The following ROBO1 variants were observed in gnomAD, a reference collection of about 807,000 sequenced individuals.
The protein encoded by ROBO1 is roundabout guidance receptor 1.
Under a neutral mutation model 195.9 loss-of-function variants are expected in ROBO1, and 149 were observed. The ratio of observed to expected loss-of-function variants is 0.76; its 90% CI spans 0.67 to 0.87. The LOEUF is 0.87. Among genes scored for constraint, ROBO1 ranks in the 40% least tolerant of loss-of-function variants. The pLI is 0.00. For missense variants in ROBO1, 1,933 were observed against 2,068.3 expected, an observed-to-expected ratio of 0.93 and a Z score of 1.27; for synonymous variants, 816 against 733.2, an observed-to-expected ratio of 1.11 and a Z score of -1.82.
intron 4 of ROBO1, among the ~76,000 whole-genome samples, chr3:78,789,555 C>T (rs1024093034): frequency 6.6e-6 from 1 of 152,082 alleles, no homozygotes; most frequent in African/African-American, 2.4e-5. Flanking sequence ...ATTTTATGGT[C>T]TCAGAAATCC....
intron 3 of ROBO1, among the ~76,000 whole-genome samples, chr3:79,039,943 ATACT>A (rs2078454273): frequency 1.3e-5 from 2 of 152,152 alleles, no homozygotes; most frequent in Admixed American, 1.3e-4. Flanking sequence ...ATGGAATGAG[ATACT>A]TAATACATAT....
intron 1 of ROBO1, among the ~76,000 whole-genome samples, chr3:79,736,998 T>C (rs1049676346): frequency 5.3e-5 from 8 of 152,354 alleles, no homozygotes; most frequent in South Asian, 2.1e-4. Flanking sequence ...GTTTTTGTAC[T>C]GGATGTATTG....
chr3:78,621,635 A>G (rs1275796433), intron 26 of ROBO1, among the ~76,000 whole-genome samples: 1 of 152,224 alleles, frequency 6.6e-6, no homozygotes, highest in East Asian at 1.9e-4. Context: ...ACAAAAAGCC[A>G]TTTCAAGATG....
chr3:79,326,503 G>C (rs62259735), intron 2 of ROBO1, among the ~76,000 whole-genome samples: 1 of 152,088 alleles, frequency 6.6e-6, no homozygotes, highest in African/African-American at 2.4e-5. Context: ...TATCAGGGCA[G>C]GTTCCCCAAT....
At chr3:79,102,324 T>C (rs935601194) in intron 3 of ROBO1, among the ~76,000 whole-genome samples, 4 of 151,776 alleles carry the variant, frequency 2.6e-5, no homozygotes, top group Admixed American at 1.3e-4. Context: ...GATACAAGGC[T>C]ATGGTCCTTA....
intron 2 of ROBO1, among the ~76,000 whole-genome samples, chr3:79,478,545 T>C (rs950087078): frequency 2.6e-5 from 4 of 152,194 alleles, no homozygotes; most frequent in Non-Finnish European, 4.4e-5. Flanking sequence ...TCCAATCCCA[T>C]ATGCTGTTCA....
At chr3:79,188,009 A>G (rs1034040918) in intron 2 of ROBO1, among the ~76,000 whole-genome samples, 1 of 151,894 alleles carries the variant, frequency 6.6e-6, no homozygotes, top group Non-Finnish European at 1.5e-5. Context: ...TGAGTGTGCT[A>G]TTTCTCTGAT....
rs555847913 is a variant in ROBO1 at position 79,129,321 on chromosome 3, G to A, written c.89-3782C>T. Among the ~76,000 whole-genome samples, 14 of 152,040 alleles carry A rather than the reference G, an allele frequency of 9.2e-5. No individual in the cohort carries two copies. The East Asian group carries it at 2.7e-3, about 29-fold the overall frequency. The stretch of plus-strand genomic sequence containing the variant: ...ATGGTTTATAAATATTTTGCGATAT[G>A]GCTTTATATATTTTTGTGTAGGGGT... On this transcript the variant is annotated intron_variant, in intron 2 of 30. Coordinates refer to ENST00000464233, the MANE Select transcript of ROBO1 (RefSeq NM_002941.4).
intron 2 of ROBO1, among the ~76,000 whole-genome samples, chr3:79,344,441 C>T (rs193019272): frequency 5.4e-4 from 82 of 152,198 alleles, no homozygotes; most frequent in Admixed American, 2.2e-3. Context: ...ATGCCAAGAC[C>T]TAGAAACTAC....
rs180847711 is a variant in ROBO1, at chr3:79,038,516, A to C, written c.172+86940T>G. On this transcript the variant is annotated intron_variant, in intron 3 of 30. Transcript: ENST00000464233. ...ACCCTTGATTTACAGAAATAAACTTATATAACCTGTCAGTATACTTCTCAC... is the reference window on the plus strand; with the variant it reads ...ACCCTTGATTTACAGAAATAAACTTCTATAACCTGTCAGTATACTTCTCAC... 9.1e-4 allele frequency among the ~76,000 whole-genome samples: 138 copies of C among 152,304 alleles called. 3 individuals carry two copies. Among genetic ancestry groups the C allele is most frequent in the Admixed American group, 2.5e-3 (39 of 15,296 alleles).
At chr3:78,924,882 T>C (rs1232392528) in intron 4 of ROBO1, among the ~76,000 whole-genome samples, 2 of 152,068 alleles carry the variant, frequency 1.3e-5, no homozygotes, top group Non-Finnish European at 1.5e-5. Flanking sequence ...TAAATTGTTT[T>C]ACATTTACAT....
intron 2 of ROBO1, among the ~76,000 whole-genome samples, chr3:79,140,399 G>A (rs2080500303): frequency 6.6e-6 from 1 of 152,030 alleles, no homozygotes; most frequent in South Asian, 2.1e-4. Flanking sequence ...AGCTAACCCT[G>A]TGACTTTGGG....
chr3:78,965,076 T>G (rs1025293258), intron 3 of ROBO1, among the ~76,000 whole-genome samples: 2 of 151,998 alleles, frequency 1.3e-5, no homozygotes, highest in Admixed American at 6.5e-5. Context: ...TGAGGTTCAA[T>G]AGATGATATA....
intron 4 of ROBO1, among the ~76,000 whole-genome samples, chr3:78,751,325 G>A (rs1375041423): frequency 6.6e-6 from 1 of 151,858 alleles, no homozygotes; most frequent in Non-Finnish European, 1.5e-5. Context: ...AATAATGTCA[G>A]CAATATAATA....
intron 2 of ROBO1, among the ~76,000 whole-genome samples, chr3:79,265,781 C>G (rs116557135): frequency 0.019 from 2,861 of 151,406 alleles, 87 homozygotes; most frequent in African/African-American, 0.064. Flanking sequence ...ATAATCATGT[C>G]ATATTTTTTA....
chr3:79,038,322 G>A (rs1405538782), intron 3 of ROBO1, among the ~76,000 whole-genome samples: 2 of 152,164 alleles, frequency 1.3e-5, no homozygotes, highest in African/African-American at 4.8e-5. Context: ...GAACCTCGTG[G>A]TGGTGGTGAC....
chr3:78,825,935 C>A (rs1452499642), intron 4 of ROBO1, among the ~76,000 whole-genome samples: 1 of 152,154 alleles, frequency 6.6e-6, no homozygotes, highest in Non-Finnish European at 1.5e-5. Context: ...GATTACTTTG[C>A]TGTGGTTACT....
chr3:78,803,609 GTCT>G (rs2084435747), intron 4 of ROBO1, among the ~76,000 whole-genome samples: 2 of 152,032 alleles, frequency 1.3e-5, no homozygotes, highest in Admixed American at 1.3e-4. Context: ...ATTGTATCTG[GTCT>G]TCTTTCTGAG....
At chr3:79,643,176 T>C (rs1007446996) in intron 1 of ROBO1, among the ~76,000 whole-genome samples, 2 of 152,208 alleles carry the variant, frequency 1.3e-5, no homozygotes, top group Admixed American at 1.3e-4. Context: ...GGATGCTTCC[T>C]GCCCTCCAAC....
Sources: gnomAD v4.1 joint callset for allele counts (sites outside exome capture counted in the v4.1 genomes callset) on GRCh38, gnomAD v4.1.1 for gene constraint, MANE v1.5 for transcripts, NCBI Gene and HGNC (gene_info 2026-07-23, HGNC 2026-07-21) for gene names.